BACH2: variants seen among roughly 807,000 people sequenced by gnomAD.
The protein encoded by BACH2 is transcription regulator protein BACH2.
BACH2 carries 5 observed loss-of-function variants against 61.8 expected under a neutral mutation model. The observed-to-expected ratio is 0.08, with a 90% CI of 0.04 to 0.17. BACH2 has a LOEUF of 0.17. Among genes scored for constraint, BACH2 ranks in the 10% least tolerant of loss-of-function variants. The pLI is 1.00. For missense variants in BACH2, 824 were observed against 1,091.1 expected (o/e 0.76, Z 3.45); for synonymous variants, 446 against 440.1 (o/e 1.01, Z -0.17).
chr6:89,986,960 T>A (rs1403604522), intron 6 of BACH2, among the ~76,000 whole-genome samples: 1 of 152,202 alleles, frequency 6.6e-6, no homozygotes, highest in Non-Finnish European at 1.5e-5. Flanking sequence ...AATGAGTAGC[T>A]GCTTGATGGA....
chr6:89,998,592 A>C (rs1400341637), intron 6 of BACH2, among the ~76,000 whole-genome samples: 2 of 152,220 alleles, frequency 1.3e-5, no homozygotes, highest in Non-Finnish European at 2.9e-5. Context: ...TTTGGTTCAG[A>C]ACCCAAACAA....
intron 5 of BACH2, among the ~76,000 whole-genome samples, chr6:90,018,419 T>C (rs190972009): frequency 7.2e-5 from 11 of 152,374 alleles, no homozygotes; most frequent in Admixed American, 5.9e-4. Flanking sequence ...CAAAGCAGTA[T>C]GCTGAGTTCA....
intron 5 of BACH2, among the ~76,000 whole-genome samples, chr6:90,087,467 C>A (rs4706356): frequency 6.6e-6 from 1 of 152,006 alleles, no homozygotes; most frequent in South Asian, 2.1e-4. Flanking sequence ...TATCTATTCA[C>A]AGGTACACAT....
Position 89,956,786 on chromosome 6 carries a change from G to A in BACH2, c.244-4924C>T, listed in dbSNP as rs77742390. The stretch of plus-strand genomic sequence containing the variant: ...TAGGGTTTGAGGATTTTTGAGACTT[G>A]GAACATCATTCTCTATATAAGCTAC... On this transcript the variant is annotated intron_variant, in intron 6 of 8. Coordinates refer to ENST00000257749, the MANE Select transcript of BACH2 (RefSeq NM_021813.4). Among the ~76,000 whole-genome samples the A allele has an allele frequency of 4.7e-3, 713 of 152,246 alleles. 7 individuals are homozygous for A. The highest frequency in any genetic ancestry group is 0.016 in the African/African-American group (661 of 41,538).
At chr6:90,011,757 C>T (rs1214164202) in intron 5 of BACH2, among the ~76,000 whole-genome samples, 2 of 151,994 alleles carry the variant, frequency 1.3e-5, no homozygotes, top group Non-Finnish European at 2.9e-5. Context: ...TGCGTCTTTA[C>T]TAAAAATACA....
chr6:90,062,609 T>A (rs1780741864), intron 5 of BACH2, among the ~76,000 whole-genome samples: 1 of 152,236 alleles, frequency 6.6e-6, no homozygotes, highest in Non-Finnish European at 1.5e-5. Flanking sequence ...AACTGTAATT[T>A]TCTTCACCCA....
At chr6:89,940,614 T>C (rs1190156940) in intron 7 of BACH2, among the ~76,000 whole-genome samples, 3 of 152,242 alleles carry the variant, frequency 2.0e-5, no homozygotes, top group Non-Finnish European at 2.9e-5. Flanking sequence ...CATTCACGTC[T>C]GCTCCGGATG....
At chr6:90,007,034 A>G (rs544468020) in intron 6 of BACH2, among the ~76,000 whole-genome samples, 39 of 152,202 alleles carry the variant, frequency 2.6e-4, no homozygotes, top group African/African-American at 7.9e-4. Flanking sequence ...TTGTTTGTCT[A>G]TCAAATAGAC....
At chr6:90,180,835 C>A (rs1245414249) in intron 4 of BACH2, among the ~76,000 whole-genome samples, 4 of 150,740 alleles carry the variant, frequency 2.7e-5, no homozygotes, top group Non-Finnish European at 4.4e-5. Context: ...AGCCATAAAA[C>A]AGAATGAAAT....
At chr6:89,978,633 T>TAAAAAAAAAAAAAAAA (rs753724278) in intron 6 of BACH2, among the ~76,000 whole-genome samples, 22 of 86,046 alleles carry the variant, frequency 2.6e-4, no homozygotes, top group South Asian at 4.6e-4. Context: ...GTGTTGGCTT[T>TAAAAAAAAAAAAAAAA]AAAAAAAAAA....
In BACH2 at chr6:90,059,803, T is replaced by G. The variant is rs576327557; in HGVS notation, c.-13+29158A>C. On this transcript the variant is annotated intron_variant, in intron 5 of 8. Transcript: ENST00000257749. The stretch of plus-strand genomic sequence containing the variant: ...TGGAATACTATGCAGCCATAAAAAA[T>G]GATGAGTTCATGTCCTTTGTAGGGA... Among the ~76,000 whole-genome samples the G allele has an allele frequency of 3.7e-4, 56 of 151,814 alleles. 1 individual carries two copies. The highest frequency in any genetic ancestry group is 3.4e-3 in the Middle Eastern group (1 of 294).
At chr6:90,230,658 G>A (rs571734100) in intron 3 of BACH2, among the ~76,000 whole-genome samples, 5 of 152,164 alleles carry the variant, frequency 3.3e-5, no homozygotes, top group East Asian at 1.9e-4. Context: ...AACAATGAAC[G>A]GTACTTCTAC....
At chr6:90,106,138 A>T (rs1267188301) in intron 4 of BACH2, among the ~76,000 whole-genome samples, 2 of 152,242 alleles carry the variant, frequency 1.3e-5, no homozygotes, top group African/African-American at 4.8e-5. Context: ...AAGTTTCAAA[A>T]AAGCTAGAAC....
At chr6:90,141,065 C>A (rs1784442121) in intron 4 of BACH2, among the ~76,000 whole-genome samples, 1 of 152,062 alleles carries the variant, frequency 6.6e-6, no homozygotes, top group South Asian at 2.1e-4. Flanking sequence ...GCAGCCATTA[C>A]AAATGATAAG....
At chr6:89,971,352 A>G (rs912764311) in intron 6 of BACH2, among the ~76,000 whole-genome samples, 2 of 152,218 alleles carry the variant, frequency 1.3e-5, no homozygotes, top group Admixed American at 6.5e-5. Context: ...CCTTTTCAAT[A>G]TAAGATACAA....
chr6:90,014,699 T>C (rs1181951555), intron 5 of BACH2, among the ~76,000 whole-genome samples: 1 of 151,326 alleles, frequency 6.6e-6, no homozygotes, highest in Non-Finnish European at 1.5e-5. Context: ...GGTCTCAATC[T>C]CTTGACCTCA....
At chr6:89,965,232 T>C (rs1439522582) in intron 6 of BACH2, among the ~76,000 whole-genome samples, 3 of 152,306 alleles carry the variant, frequency 2.0e-5, no homozygotes, top group Admixed American at 1.3e-4. Context: ...GTTACATTTT[T>C]ATTTTGAATA....
chr6:90,115,633 C>G (rs969677599), intron 4 of BACH2, among the ~76,000 whole-genome samples: 21 of 152,046 alleles, frequency 1.4e-4, no homozygotes, highest in Admixed American at 4.6e-4. Context: ...GAAAAAGACA[C>G]CAAGAGCAAT....
chr6:90,147,743 A>T (rs1207168198), intron 4 of BACH2, among the ~76,000 whole-genome samples: 1 of 152,222 alleles, frequency 6.6e-6, no homozygotes. Flanking sequence ...TAATTGAAAA[A>T]ATAAAGTTAT....
Sources: allele counts gnomAD v4.1 joint callset (sites outside exome capture counted in the v4.1 genomes callset), GRCh38; gene constraint gnomAD v4.1.1; transcripts MANE v1.5; gene names NCBI Gene and HGNC (gene_info 2026-07-23, HGNC 2026-07-21).